Variants in AHCYL2 observed in about 807,000 individuals in gnomAD.
AHCYL2 encodes adenosylhomocysteinase like 2, also known as S-adenosylhomocysteine hydrolase-like protein 2.
A neutral mutation model predicts 81.4 loss-of-function variants in AHCYL2; 28 were observed. The observed-to-expected ratio is 0.34, with a 90% CI of 0.25 to 0.47. The LOEUF is 0.47. AHCYL2 is among the 20% of genes least tolerant of loss of function. The probability of loss-of-function intolerance (pLI) is 1.00; values close to 1 mark genes in which losing one functional copy is unlikely to be tolerated. For synonymous variants in AHCYL2, 272 were observed against 290.2 expected (o/e 0.94, Z 0.64); for missense variants, 551 against 785.1 (o/e 0.70, Z 3.56).
At chr7:129,369,559 T>G (rs930011948) in intron 1 of AHCYL2, among the ~76,000 whole-genome samples, 3 of 150,554 alleles carry the variant, frequency 2.0e-5, no homozygotes, top group Admixed American at 6.6e-5. Flanking sequence ...GGTTTTTTTT[T>G]TTTTTTTTTT....
At chr7:129,347,035 GA>G (rs1793384587) in intron 1 of AHCYL2, among the ~76,000 whole-genome samples, 1 of 152,162 alleles carries the variant, frequency 6.6e-6, no homozygotes, top group African/African-American at 2.4e-5. Flanking sequence ...AAGCCAACCT[GA>G]AAAGGCTACA....
chr7:129,418,922 T>A (rs1563248845), intron 12 of AHCYL2, among the ~76,000 whole-genome samples: 1 of 152,140 alleles, frequency 6.6e-6, no homozygotes, highest in Non-Finnish European at 1.5e-5. Flanking sequence ...ATTTGCTAAA[T>A]GGATTGGATG....
chr7:129,293,487 G>A (rs1304884610), intron 1 of AHCYL2, among the ~76,000 whole-genome samples: 3 of 151,904 alleles, frequency 2.0e-5, no homozygotes, highest in African/African-American at 7.3e-5. Flanking sequence ...ACCAGCCTGG[G>A]CAACATGGCA....
chr7:129,283,150 T>C lies in AHCYL2; in HGVS notation c.363+57711T>C, dbSNP rs73722914. On this transcript the variant is annotated intron_variant, in intron 1 of 16. Coordinates refer to ENST00000325006, the MANE Select transcript of AHCYL2 (RefSeq NM_015328.4). ...TCCCAGCATGCAGCGCGTTTTCCAG[T>C]ACTCCATCCTGCACACTGTCTCTGC... 3.4e-3 allele frequency among the ~76,000 whole-genome samples: 515 copies of C among 152,294 alleles called. 1 individual carries two copies. Among genetic ancestry groups the C allele is most frequent in the African/African-American group, 0.012 (498 of 41,542 alleles).
intron 1 of AHCYL2, among the ~76,000 whole-genome samples, chr7:129,371,270 A>G (rs17168678): frequency 0.013 from 1,988 of 152,344 alleles, 44 homozygotes; most frequent in African/African-American, 0.045. Flanking sequence ...CTTTCAGGAG[A>G]AAAATTTAGC....
chr7:129,424,547 A>G (rs972891471), intron 13 of AHCYL2, among the ~76,000 whole-genome samples: 2 of 152,224 alleles, frequency 1.3e-5, no homozygotes, highest in African/African-American at 4.8e-5. Context: ...CGATCCTCAG[A>G]AGGAGGATAT....
At chr7:129,291,254 CTAAG>C (rs1377373700) in intron 1 of AHCYL2, among the ~76,000 whole-genome samples, 1 of 152,090 alleles carries the variant, frequency 6.6e-6, no homozygotes, top group Non-Finnish European at 1.5e-5. Flanking sequence ...TAAAACAAAA[CTAAG>C]TACCCACAAT....
chr7:129,383,426 C>T (rs1795056423), intron 2 of AHCYL2, among the ~76,000 whole-genome samples: 1 of 152,086 alleles, frequency 6.6e-6, no homozygotes, highest in Non-Finnish European at 1.5e-5. Flanking sequence ...TCCCAAAGTG[C>T]TGGGATTACA....
intron 1 of AHCYL2, among the ~76,000 whole-genome samples, chr7:129,229,814 A>G (rs2150672890): frequency 6.6e-6 from 1 of 152,364 alleles, no homozygotes; most frequent in African/African-American, 2.4e-5. Context: ...AAGCATTTCA[A>G]GATCAATGAT....
At position 129,236,179 on chromosome 7, in the gene AHCYL2, C is replaced by T. The variant is rs998206214; in HGVS notation, c.363+10740C>T. Among the ~76,000 whole-genome samples, 11 of 151,806 alleles carry T rather than the reference C, an allele frequency of 7.2e-5. No homozygotes were observed. The East Asian group carries it at 7.7e-4, about 11-fold the overall frequency. ...CTGGGACTACAGGTACACGCTGCCA[C>T]GCCCAGCTAATTTTTAATTTTAATT... On this transcript the variant is annotated intron_variant, in intron 1 of 16. Transcript: ENST00000325006.
intron 1 of AHCYL2, among the ~76,000 whole-genome samples, chr7:129,314,459 C>T (rs1364881783): frequency 7.2e-5 from 11 of 152,080 alleles, no homozygotes; most frequent in Non-Finnish European, 1.5e-5. Context: ...TTAAAAACAA[C>T]AGTTTATTTC....
intron 1 of AHCYL2, among the ~76,000 whole-genome samples, chr7:129,299,987 T>G (rs955899032): frequency 6.6e-6 from 1 of 152,110 alleles, no homozygotes; most frequent in Non-Finnish European, 1.5e-5. Flanking sequence ...ACTTGAAAAA[T>G]TTTTTTATTT....
At position 129,328,472 on chromosome 7, in the gene AHCYL2, T is replaced by C. The variant is rs575932609; in HGVS notation, c.364-51166T>C. 6.0e-5 allele frequency among the ~76,000 whole-genome samples: 9 copies of C among 149,980 alleles called. No homozygotes were observed. In the South Asian group the frequency reaches 1.9e-3, roughly 32 times the overall value. On this transcript the variant is annotated intron_variant, in intron 1 of 16. Transcript: ENST00000325006. ...ATTACAGGCTTGAGCCACTGCGCCC[T>C]TTTTTTGTTGTTGTTTTTTGTTTTT...
At chr7:129,359,683 A>G (rs1284809277) in intron 1 of AHCYL2, among the ~76,000 whole-genome samples, 1 of 152,192 alleles carries the variant, frequency 6.6e-6, no homozygotes, top group African/African-American at 2.4e-5. Context: ...ACAAGTTTTC[A>G]AGTTTAAGCT....
intron 1 of AHCYL2, among the ~76,000 whole-genome samples, chr7:129,340,555 G>A (rs554108822): frequency 6.8e-6 from 1 of 146,702 alleles, no homozygotes; most frequent in Non-Finnish European, 1.5e-5. Context: ...GAGACAGAGC[G>A]AGACTCCGTC....
intron 2 of AHCYL2, among the ~76,000 whole-genome samples, chr7:129,383,372 G>T (rs115387487): frequency 0.013 from 1,983 of 151,876 alleles, 54 homozygotes; most frequent in African/African-American, 0.046. Flanking sequence ...GTCTCACTTT[G>T]TTGCCTAGGC....
intron 1 of AHCYL2, among the ~76,000 whole-genome samples, chr7:129,342,734 T>G (rs979475990): frequency 4.6e-5 from 7 of 152,212 alleles, no homozygotes; most frequent in Non-Finnish European, 8.8e-5. Flanking sequence ...TTATTTTACA[T>G]GTTTAAAATA....
intron 7 of AHCYL2, among the ~76,000 whole-genome samples, chr7:129,404,530 C>CT (rs1796206345): frequency 6.6e-6 from 1 of 152,152 alleles, no homozygotes; most frequent in Non-Finnish European, 1.5e-5. Context: ...CAAAAATTAG[C>CT]TGAGTGTGGT....
intron 10 of AHCYL2, among the ~76,000 whole-genome samples, chr7:129,407,520 G>A (rs997480887): frequency 6.6e-6 from 1 of 152,122 alleles, no homozygotes; most frequent in African/African-American, 2.4e-5. Context: ...AACTATTGCA[G>A]AGTCCAAGTG....
Sources: gnomAD v4.1 joint callset for allele counts (sites outside exome capture counted in the v4.1 genomes callset) on GRCh38, gnomAD v4.1.1 for gene constraint, MANE v1.5 for transcripts, NCBI Gene and HGNC (gene_info 2026-07-23, HGNC 2026-07-21) for gene names.